The following PIK3C2G variants were observed in gnomAD, a reference collection of about 807,000 sequenced individuals.
PIK3C2G encodes phosphatidylinositol-4-phosphate 3-kinase catalytic subunit type 2 gamma, also known as phosphatidylinositol 3-kinase C2 domain-containing subunit gamma.
Under a neutral mutation model 181.1 loss-of-function variants are expected in PIK3C2G, and 168 were observed. The observed-to-expected ratio is 0.93, with a 90% CI of 0.82 to 1.05. PIK3C2G has a LOEUF of 1.05. Ranked by LOEUF, PIK3C2G falls within the 50% of genes least tolerant of loss-of-function variation. PIK3C2G has a pLI of 0.00. For synonymous variants in PIK3C2G, 573 were observed against 592.2 expected, an observed-to-expected ratio of 0.97 and a Z score of 0.47; for missense variants, 1,869 against 1,732.8, an observed-to-expected ratio of 1.08 and a Z score of -1.40.
intron 30 of PIK3C2G, among the ~76,000 whole-genome samples, chr12:18,598,975 A>G (rs1284021344): frequency 9.4e-5 from 14 of 149,670 alleles, no homozygotes; most frequent in Middle Eastern, 3.2e-3. Context: ...TTAGAATGGC[A>G]ATCATTAAAA....
intron 22 of PIK3C2G, among the ~76,000 whole-genome samples, chr12:18,500,102 G>A (rs369519308): frequency 5.3e-5 from 8 of 152,300 alleles, no homozygotes; most frequent in East Asian, 3.9e-4. Context: ...TTCTGGGCTG[G>A]CCAAGGCCGG....
intron 1 of PIK3C2G, among the ~76,000 whole-genome samples, chr12:18,250,971 T>A (rs1948090097): frequency 6.6e-6 from 1 of 151,948 alleles, no homozygotes. Context: ...TTAAAATATT[T>A]CTGGCATTAT....
chr12:18,700,016 TAAAGA>T, the PIK3C2G span: 31 of 1,322,170 alleles, frequency 2.3e-5, no homozygotes, highest in Non-Finnish European at 3.3e-5. Context: ...TTTTTTCTAG[TAAAGA>T]AAATACACTT....
At chr12:18,292,227 A>AATATATATATAT (rs1555149102) in intron 4 of PIK3C2G, among the ~76,000 whole-genome samples, 535 of 48,502 alleles carry the variant, frequency 0.011, 10 homozygotes, top group South Asian at 0.016. Flanking sequence ...AAAAAAAAAA[A>AATATATATATAT]ATATATATAT....
At chr12:18,452,503 T>A (rs1947417404) in intron 18 of PIK3C2G, among the ~76,000 whole-genome samples, 1 of 147,608 alleles carries the variant, frequency 6.8e-6, no homozygotes, top group Non-Finnish European at 1.5e-5. Flanking sequence ...TAATCTTTTT[T>A]TAAAAAAAAA....
At chr12:18,506,888 G>T (rs1450874979) in intron 24 of PIK3C2G, among the ~76,000 whole-genome samples, 1 of 151,912 alleles carries the variant, frequency 6.6e-6, no homozygotes, top group Non-Finnish European at 1.5e-5. Flanking sequence ...ATACCAGATG[G>T]CCATAACCTG....
chr12:18,520,271 T>A (rs1194121109), intron 24 of PIK3C2G, among the ~76,000 whole-genome samples: 1 of 152,158 alleles, frequency 6.6e-6, no homozygotes, highest in Non-Finnish European at 1.5e-5. Flanking sequence ...CCTGTCTTGC[T>A]AGGTTGGGAA....
At chr12:18,431,379 G>T (rs1427345307) in intron 18 of PIK3C2G, among the ~76,000 whole-genome samples, 1 of 152,178 alleles carries the variant, frequency 6.6e-6, no homozygotes, top group African/African-American at 2.4e-5. Context: ...CACTGGCCAC[G>T]TGGCAGGGAC....
chr12:18,582,006 C>A (rs80036200), intron 29 of PIK3C2G, among the ~76,000 whole-genome samples: 1 of 152,046 alleles, frequency 6.6e-6, no homozygotes. Flanking sequence ...TAATGAGCTG[C>A]GTCAAATGCT....
rs760745009 is a variant in PIK3C2G at position 18,503,388 on chromosome 12, C to T, written c.3124C>T (p.His1042Tyr). ...TACAATTAAAAAGTGGTTCAGTCAG[C>T]ACAACCACTTAAAGGCAGATTATGA... The part of the protein sequence containing the change: ...ENTIKKWFSQ[H>Y]NHLKADYEKA... The change falls in exon 23 of 33, where the codon CAC (histidine) becomes TAC (tyrosine). Residue 1042 changes from histidine to tyrosine, a missense_variant. His to Tyr is a moderately conservative substitution (Grantham distance 83). Coordinates refer to ENST00000538779, the MANE Select transcript of PIK3C2G (RefSeq NM_001288772.2). The T allele has an allele frequency of 5.6e-6, 9 of 1,609,924 alleles. No individual in the cohort carries two copies. The Admixed American group carries it at 1.5e-4, about 27-fold the overall frequency.
the PIK3C2G span, among the ~76,000 whole-genome samples, chr12:18,668,211 T>C: frequency 6.6e-6 from 1 of 152,166 alleles, no homozygotes; most frequent in African/African-American, 2.4e-5. Flanking sequence ...TAACATCCCC[T>C]ACAGAATATC....
At chr12:18,426,454 A>C in intron 18 of PIK3C2G, among the ~76,000 whole-genome samples, 1 of 152,132 alleles carries the variant, frequency 6.6e-6, no homozygotes, top group East Asian at 1.9e-4. Flanking sequence ...CCTACACTTG[A>C]TTCTATTGAA....
At chr12:18,645,990 T>A (rs1290182092) in intron 32 of PIK3C2G, among the ~76,000 whole-genome samples, 1 of 152,096 alleles carries the variant, frequency 6.6e-6, no homozygotes, top group East Asian at 1.9e-4. Context: ...GGAGAATAGT[T>A]CAGACAGCTC....
At chr12:18,598,486 A>T (rs1425230766) in intron 30 of PIK3C2G, among the ~76,000 whole-genome samples, 1 of 151,796 alleles carries the variant, frequency 6.6e-6, no homozygotes, top group East Asian at 1.9e-4. Flanking sequence ...TACACCTTAT[A>T]CAAAAATCAA....
chr12:18,416,563 A>G (rs999610161), intron 16 of PIK3C2G, among the ~76,000 whole-genome samples: 1 of 152,184 alleles, frequency 6.6e-6, no homozygotes, highest in Non-Finnish European at 1.5e-5. Flanking sequence ...ATTGAAGCCA[A>G]TGCTCATTTA....
chr12:18,593,813 A>T (rs1249608579), intron 29 of PIK3C2G, among the ~76,000 whole-genome samples: 2 of 151,874 alleles, frequency 1.3e-5, no homozygotes, highest in Admixed American at 1.3e-4. Flanking sequence ...TTATAACTGA[A>T]ATTTTTATTA....
At chr12:18,673,155 A>G in the PIK3C2G span, among the ~76,000 whole-genome samples, 4 of 152,310 alleles carry the variant, frequency 2.6e-5, no homozygotes, top group African/African-American at 9.6e-5. Context: ...AGGGGAATTT[A>G]TTCATGTTTT....
intron 24 of PIK3C2G, among the ~76,000 whole-genome samples, chr12:18,535,264 T>C (rs916268791): frequency 1.3e-5 from 2 of 152,002 alleles, no homozygotes; most frequent in Admixed American, 6.6e-5. Flanking sequence ...AATTCTGAGG[T>C]TTAAAAAAAT....
At chr12:18,272,523 A>C (rs1395523971) in intron 1 of PIK3C2G, among the ~76,000 whole-genome samples, 1 of 152,092 alleles carries the variant, frequency 6.6e-6, no homozygotes, top group African/African-American at 2.4e-5. Context: ...TCATTTATTT[A>C]TTTCTCTTCT....
Sources: gnomAD v4.1 joint callset for allele counts (sites outside exome capture counted in the v4.1 genomes callset) on GRCh38, gnomAD v4.1.1 for gene constraint, MANE v1.5 for transcripts, NCBI Gene and HGNC (gene_info 2026-07-23, HGNC 2026-07-21) for gene names.